THSD4: variants seen among roughly 807,000 people sequenced by gnomAD.
THSD4 encodes the protein thrombospondin type-1 domain-containing protein 4.
A neutral mutation model predicts 119.0 loss-of-function variants in THSD4; 69 were observed. The ratio of observed to expected loss-of-function variants is 0.58; its 90% CI spans 0.48 to 0.71. The LOEUF (loss-of-function observed/expected upper bound fraction) is 0.71, where lower values mean the gene tolerates loss of function less well. Among genes scored for constraint, THSD4 ranks in the 30% least tolerant of loss-of-function variants. The pLI is 0.00. For missense variants in THSD4, 1,393 were observed against 1,391.1 expected (o/e 1.00, Z -0.02); for synonymous variants, 524 against 540.4 (o/e 0.97, Z 0.42).
intron 1 of THSD4, among the ~76,000 whole-genome samples, chr15:71,136,702 A>G (rs746265871): frequency 5.9e-5 from 9 of 152,076 alleles, no homozygotes; most frequent in Non-Finnish European, 1.3e-4. Flanking sequence ...TGGCGCCTGC[A>G]GTGGGGCCTT....
upstream of THSD4, among the ~76,000 whole-genome samples, chr15:71,112,599 G>A (rs903935602): frequency 1.7e-4 from 26 of 152,366 alleles, no homozygotes; most frequent in African/African-American, 6.3e-4. Context: ...CACCCTCCAA[G>A]ATGCTGTGTA....
In THSD4 at chr15:71,720,457, C is replaced by T. The variant is rs369305318; in HGVS notation, c.1358-8092C>T. On this transcript the variant is annotated intron_variant, in intron 8 of 17. Transcript: ENST00000261862. The stretch of plus-strand genomic sequence containing the variant: ...AAATAATATTTCAAAATATCAGTAA[C>T]TTCTGTAAAGTCCCATGAATATCTA... 3.0e-4 allele frequency among the ~76,000 whole-genome samples: 46 copies of T among 152,274 alleles called. No homozygotes were observed. In the South Asian group the frequency reaches 7.9e-3, roughly 26 times the overall value.
chr15:71,660,462 T>C, intron 7 of THSD4, 68 bp from the exon 8 acceptor site: 4 of 1,588,830 alleles, frequency 2.5e-6, no homozygotes, highest in Non-Finnish European at 3.4e-6. Flanking sequence ...CCCAGGGATC[T>C]TCTCCCTTCC....
chr15:71,474,186 A>G (rs1320933021), intron 7 of THSD4, among the ~76,000 whole-genome samples: 1 of 152,018 alleles, frequency 6.6e-6, no homozygotes, highest in East Asian at 1.9e-4. Context: ...AAATGGGAAC[A>G]TTACAGCACA....
At chr15:71,443,937 C>T (rs1289345539) in intron 7 of THSD4, among the ~76,000 whole-genome samples, 1 of 152,228 alleles carries the variant, frequency 6.6e-6, no homozygotes, top group African/African-American at 2.4e-5. Context: ...AAGACAGCCA[C>T]ACTGCTAAAG....
intron 16 of THSD4, 140 bp downstream of exon 16, chr15:71,765,339 G>A: frequency 9.7e-7 from 1 of 1,034,702 alleles, no homozygotes; most frequent in Non-Finnish European, 1.3e-6. Flanking sequence ...GGTAGCTGCT[G>A]GAGTACCCCG....
At chr15:71,305,354 A>G (rs72759692) in intron 6 of THSD4, among the ~76,000 whole-genome samples, 7,592 of 152,284 alleles carry the variant, frequency 0.05, 220 homozygotes, top group Middle Eastern at 0.088. Flanking sequence ...AATTATCATC[A>G]AACCCCAGGC....
At chr15:71,295,730 AG>A (rs1233596690) in intron 6 of THSD4, among the ~76,000 whole-genome samples, 8 of 152,050 alleles carry the variant, frequency 5.3e-5, no homozygotes, top group Non-Finnish European at 1.0e-4. Context: ...ACAATCAATG[AG>A]TTTTAGTAAG....
At chr15:71,156,528 G>A (rs1330734115) in intron 3 of THSD4, among the ~76,000 whole-genome samples, 1 of 152,076 alleles carries the variant, frequency 6.6e-6, no homozygotes, top group Non-Finnish European at 1.5e-5. Context: ...GCCTCCCAAA[G>A]TGCTGGGATT....
At chr15:71,214,496 A>G (rs889987801) in intron 3 of THSD4, among the ~76,000 whole-genome samples, 86 of 152,226 alleles carry the variant, frequency 5.6e-4, no homozygotes, top group African/African-American at 2.0e-3. Flanking sequence ...TTTAAGAGCT[A>G]TAACGCTCAC....
chr15:71,376,577 T>C (rs898886758), intron 6 of THSD4, among the ~76,000 whole-genome samples: 11 of 152,174 alleles, frequency 7.2e-5, no homozygotes, highest in African/African-American at 2.4e-4. Context: ...TGATCTGCCC[T>C]GAGAAAAACA....
At chr15:71,449,524 T>C (rs1037944047) in intron 7 of THSD4, among the ~76,000 whole-genome samples, 1 of 152,154 alleles carries the variant, frequency 6.6e-6, no homozygotes, top group African/African-American at 2.4e-5. Flanking sequence ...ATTGTGAAGA[T>C]GGAGATAATT....
intron 16 of THSD4, among the ~76,000 whole-genome samples, chr15:71,768,961 G>T (rs1348373815): frequency 1.7e-5 from 2 of 119,894 alleles, no homozygotes; most frequent in East Asian, 2.4e-4. Flanking sequence ...GGAGGGAGGT[G>T]GGGGGGTCGG....
intron 4 of THSD4, among the ~76,000 whole-genome samples, chr15:71,227,773 G>A (rs1298546136): frequency 3.3e-5 from 5 of 152,158 alleles, no homozygotes; most frequent in Admixed American, 2.0e-4. Flanking sequence ...ATGTGGACAC[G>A]GGTAATTTAC....
At chr15:71,361,003 A>G (rs2140419526) in intron 6 of THSD4, among the ~76,000 whole-genome samples, 1 of 152,334 alleles carries the variant, frequency 6.6e-6, no homozygotes, top group Non-Finnish European at 1.5e-5. Context: ...CTTGAGCTGA[A>G]TCACCAAGTA....
chr15:71,206,802 C>G (rs2043847265), intron 3 of THSD4, among the ~76,000 whole-genome samples: 1 of 152,232 alleles, frequency 6.6e-6, no homozygotes, highest in Admixed American at 6.5e-5. Context: ...TCTCCACAAT[C>G]TGCTCCAAAT....
intron 7 of THSD4, among the ~76,000 whole-genome samples, chr15:71,656,205 A>G (rs917208543): frequency 3.3e-5 from 5 of 152,150 alleles, no homozygotes; most frequent in Non-Finnish European, 5.9e-5. Flanking sequence ...ACAAATACAA[A>G]CAAGGCCTAT....
intron 11 of THSD4, among the ~76,000 whole-genome samples, chr15:71,739,307 A>T (rs967520969): frequency 2.6e-4 from 40 of 152,100 alleles, no homozygotes; most frequent in Admixed American, 5.9e-4. Context: ...GAGTCCACAC[A>T]CCGGAGGAAG....
rs80133487 is a variant in THSD4, at chr15:71,234,985, G to C, written c.465-7664G>C. ...AGGCACTTGAGAAGGACTATTCCTC[G>C]GTATAATTTCTACCACCTAGTGTTG... On this transcript the variant is annotated intron_variant, in intron 4 of 17. Coordinates refer to ENST00000261862, the MANE Select transcript of THSD4 (RefSeq NM_024817.3). Among the ~76,000 whole-genome samples, 195 of 152,226 alleles carry C rather than the reference G, an allele frequency of 1.3e-3. 1 individual carries two copies. Among genetic ancestry groups the C allele is most frequent in the African/African-American group, 4.5e-3 (185 of 41,528 alleles).
Sources: gnomAD v4.1 joint callset for allele counts (sites outside exome capture counted in the v4.1 genomes callset) on GRCh38, gnomAD v4.1.1 for gene constraint, MANE v1.5 for transcripts, NCBI Gene and HGNC (gene_info 2026-07-23, HGNC 2026-07-21) for gene names.